RRAGD: variants seen among roughly 807,000 people sequenced by gnomAD.
RRAGD encodes Ras related GTP binding D.
RRAGD carries 12 observed loss-of-function variants against 35.5 expected under a neutral mutation model. That is an observed-to-expected ratio of 0.34 (90% CI 0.22 to 0.55). The LOEUF is 0.55. Among genes scored for constraint, RRAGD ranks in the 20% least tolerant of loss-of-function variants. The pLI is 0.91. For synonymous variants in RRAGD, 155 were observed against 178.9 expected (o/e 0.87, Z 1.07); for missense variants, 324 against 490.1 (o/e 0.66, Z 3.20).
intron 1 of RRAGD, among the ~76,000 whole-genome samples, chr6:89,396,421 T>TTTTATTTA (rs10647549): frequency 7.3e-5 from 11 of 151,448 alleles, no homozygotes; most frequent in African/African-American, 2.2e-4. Context: ...CTCAATTTTA[T>TTTTATTTA]TTTATTTATT....
At chr6:89,380,424 CA>C (rs1396127018) in intron 2 of RRAGD, 57 bp from the exon 3 acceptor site, 1 of 1,469,292 alleles carries the variant, frequency 6.8e-7, no homozygotes, top group Non-Finnish European at 9.4e-7. Context: ...GAGCCTCCCA[CA>C]CACACTCTTC....
At chr6:89,399,804 ATG>A (rs1048739547) in intron 1 of RRAGD, among the ~76,000 whole-genome samples, 12 of 130,370 alleles carry the variant, frequency 9.2e-5, no homozygotes, top group Non-Finnish European at 1.7e-4. Context: ...AGGTCTCCCT[ATG>A]TTGCCCAGGC....
chr6:89,377,336 G>A (rs1177815187), intron 5 of RRAGD, among the ~76,000 whole-genome samples: 1 of 152,172 alleles, frequency 6.6e-6, no homozygotes, highest in Non-Finnish European at 1.5e-5. Context: ...ATGATAACCT[G>A]GGCACAGTGG....
At chr6:89,410,924 A>G (rs1420857088) in intron 1 of RRAGD, among the ~76,000 whole-genome samples, 1 of 152,188 alleles carries the variant, frequency 6.6e-6, no homozygotes, top group Non-Finnish European at 1.5e-5. Context: ...GAATAACATC[A>G]TGTTTAACAG....
chr6:89,403,939 T>C (rs1769530069), intron 1 of RRAGD, among the ~76,000 whole-genome samples: 1 of 152,208 alleles, frequency 6.6e-6, no homozygotes. Context: ...ATTACAGGCA[T>C]TAGCCACTGA....
chr6:89,384,573 T>C (rs773380308), intron 2 of RRAGD, among the ~76,000 whole-genome samples: 21 of 152,216 alleles, frequency 1.4e-4, no homozygotes, highest in Admixed American at 9.2e-4. Context: ...TCCCAGCACT[T>C]TGGGAGGCTG....
intron 1 of RRAGD, among the ~76,000 whole-genome samples, chr6:89,389,355 A>C (rs528454972): frequency 6.6e-6 from 1 of 152,032 alleles, no homozygotes; most frequent in Non-Finnish European, 1.5e-5. Context: ...GCAGATCAAG[A>C]CCACCCTGGC....
intron 1 of RRAGD, among the ~76,000 whole-genome samples, chr6:89,404,850 G>A (rs964077987): frequency 3.9e-5 from 6 of 152,160 alleles, no homozygotes; most frequent in Admixed American, 1.3e-4. Context: ...AATGGGAATT[G>A]AAAGCCAATG....
rs145002359 is a variant in RRAGD at position 89,387,472 on chromosome 6, G to A, written c.267C>T (p.Asn89=). The stretch of plus-strand genomic sequence containing the variant: ...TAGTGCTCTCCAAGAACAGAGTTTC[G>A]TTGGGAGACATTTTGTGAAAGACAA... ...QKVVFHKMSP[N]ETLFLESTNK... The change falls in exon 2 of 7, where the codon AAC becomes AAT. Residue 89 remains asparagine, a synonymous_variant. Coordinates refer to ENST00000369415, the MANE Select transcript of RRAGD (RefSeq NM_021244.5). 2.6e-4 allele frequency: 414 copies of A among 1,614,036 alleles called. No homozygotes were observed. Among genetic ancestry groups the A allele is most frequent in the Non-Finnish European group, 3.3e-4 (385 of 1,180,040 alleles).
intron 5 of RRAGD, among the ~76,000 whole-genome samples, chr6:89,377,070 TATA>T (rs1280097690): frequency 6.6e-6 from 1 of 152,226 alleles, no homozygotes; most frequent in Non-Finnish European, 1.5e-5. Flanking sequence ...TATTCTTTCT[TATA>T]ATTTCTTCTC....
chr6:89,373,268 C>G (rs1239205271), intron 5 of RRAGD, among the ~76,000 whole-genome samples: 2 of 152,086 alleles, frequency 1.3e-5, no homozygotes, highest in African/African-American at 4.8e-5. Flanking sequence ...ATTTTACTAC[C>G]CTTGTATATT....
At chr6:89,380,859 A>C (rs1442335861) in intron 2 of RRAGD, among the ~76,000 whole-genome samples, 1 of 151,508 alleles carries the variant, frequency 6.6e-6, no homozygotes, top group East Asian at 1.9e-4. Flanking sequence ...GTGAGCTGAG[A>C]TCACACCACT....
At chr6:89,386,805 C>T (rs146042366) in intron 2 of RRAGD, among the ~76,000 whole-genome samples, 203 of 152,114 alleles carry the variant, frequency 1.3e-3, no homozygotes, top group African/African-American at 4.8e-3. Context: ...ATATTTATCT[C>T]AAATTTTACT....
At chr6:89,377,096 T>C (rs1768961569) in intron 5 of RRAGD, among the ~76,000 whole-genome samples, 1 of 152,258 alleles carries the variant, frequency 6.6e-6, no homozygotes, top group Non-Finnish European at 1.5e-5. Flanking sequence ...TAGCTCACTT[T>C]ATTGTTAAGA....
chr6:89,393,012 A>T (rs960294138), intron 1 of RRAGD, among the ~76,000 whole-genome samples: 1 of 152,234 alleles, frequency 6.6e-6, no homozygotes, highest in East Asian at 1.9e-4. Flanking sequence ...ACCCAGTCAC[A>T]GTACTGCCAT....
At position 89,365,015 on chromosome 6, in the gene RRAGD, C is replaced by T. The variant is rs774846459; in HGVS notation, c.*3041G>A. ...CCAGTCTGTACAAGTTGAATACATA[C>T]CATACTTTAATAACCAAGACAATTC... On this transcript the variant is annotated 3_prime_UTR_variant, in exon 7 of 7. Transcript: ENST00000369415. The T allele has an allele frequency of 2.6e-5, 4 of 152,176 alleles. No homozygotes were observed. Among genetic ancestry groups the T allele is most frequent in the Non-Finnish European group, 5.9e-5 (4 of 68,030 alleles). 9.4% of individuals were successfully genotyped at this position (152,176 alleles called of 1,614,324 possible). A position where few individuals can be genotyped will look rare whatever the true frequency, so the allele number is the denominator to read the frequency against.
Position 89,368,126 on chromosome 6 carries a change from C to T in RRAGD, c.1133G>A (p.Arg378Gln), listed in dbSNP as rs746229365. 2.2e-5 allele frequency: 35 copies of T among 1,613,798 alleles called. 1 individual carries two copies. The highest frequency in any genetic ancestry group is 1.7e-4 in the African/African-American group (13 of 74,878). Residue 378 changes from arginine to glutamine, a missense_variant, in exon 7 of 7, where the codon CGA (arginine) becomes CAA (glutamine). Arg to Gln is a conservative substitution (Grantham distance 43). Transcript: ENST00000369415. ...FEVRMKVVKS[R>Q]KVQNRLQKKK... is the part of the protein sequence containing the mutation. ...CTTCTGCAGCCGATTCTGAACCTTT[C>T]GAGATTTTACTACTTTCATTCTCAC... is the stretch of plus-strand genomic sequence containing the variant.
In RRAGD at chr6:89,387,567, T is replaced by C. The variant is rs774441889; in HGVS notation, c.172A>G (p.Ser58Gly). ...EGVLDFSDPF[S>G]TEVKPRILLM... Reference sequence around the variant, plus strand: ...AGGATTCTCGGCTTCACTTCAGTGCTGAAGGGGTCACTGAAGTCCAGAACT... The same window carrying C: ...AGGATTCTCGGCTTCACTTCAGTGCCGAAGGGGTCACTGAAGTCCAGAACT... The change falls in exon 2 of 7, where the codon AGC becomes GGC. Residue 58 changes from serine to glycine, a missense_variant. Ser to Gly is a moderately conservative substitution (Grantham distance 56). Coordinates refer to ENST00000369415, the MANE Select transcript of RRAGD (RefSeq NM_021244.5). 1.9e-6 allele frequency: 3 copies of C among 1,613,674 alleles called. No individual in the cohort carries two copies. The highest frequency in any genetic ancestry group is 2.2e-5 in the East Asian group (1 of 44,884).
chr6:89,410,295 A>T (rs377464394), intron 1 of RRAGD, among the ~76,000 whole-genome samples: 274 of 152,332 alleles, frequency 1.8e-3, no homozygotes, highest in African/African-American at 6.3e-3. Context: ...TTTTTAAAAA[A>T]GAGAATCCCA....
Sources: gnomAD v4.1 joint callset for allele counts (sites outside exome capture counted in the v4.1 genomes callset) on GRCh38, gnomAD v4.1.1 for gene constraint, MANE v1.5 for transcripts, NCBI Gene and HGNC (gene_info 2026-07-23, HGNC 2026-07-21) for gene names.